Variants in DEK observed in about 807,000 individuals in gnomAD.
DEK encodes the protein protein DEK.
A neutral mutation model predicts 46.8 loss-of-function variants in DEK; 28 were observed. The observed-to-expected ratio is 0.60, with a 90% CI of 0.44 to 0.82. The LOEUF (loss-of-function observed/expected upper bound fraction) is 0.82. DEK is among the 40% of genes least tolerant of loss of function. The probability of loss-of-function intolerance (pLI) is 0.00; values close to 1 mark genes in which losing one functional copy is unlikely to be tolerated. For synonymous variants in DEK, 160 were observed against 144.5 expected (o/e 1.11, Z -0.77); for missense variants, 416 against 430.6 (o/e 0.97, Z 0.30).
chr6:18,252,271 AG>A (rs1394878050), intron 6 of DEK, among the ~76,000 whole-genome samples: 2 of 152,280 alleles, frequency 1.3e-5, no homozygotes, highest in African/African-American at 2.4e-5. Context: ...ACACTTTGGG[AG>A]GCCAAGGTGA....
At chr6:18,261,713 T>A (rs1376150649) in intron 2 of DEK, among the ~76,000 whole-genome samples, 1 of 152,242 alleles carries the variant, frequency 6.6e-6, no homozygotes, top group Non-Finnish European at 1.5e-5. Context: ...ACCATCACTG[T>A]ATCTTGGGAG....
intron 6 of DEK, among the ~76,000 whole-genome samples, chr6:18,252,528 A>G (rs1480803141): frequency 3.3e-5 from 5 of 150,606 alleles, no homozygotes; most frequent in African/African-American, 1.2e-4. Context: ...AAAAAAAAAA[A>G]AAAAAAAGAA....
chr6:18,234,596 C>G (rs531480137), intron 9 of DEK, among the ~76,000 whole-genome samples: 31 of 152,280 alleles, frequency 2.0e-4, no homozygotes, highest in African/African-American at 7.2e-4. Flanking sequence ...ATTCAAGTGT[C>G]TCACACTGCT....
chr6:18,255,882 T>TTAA, intron 5 of DEK, 31 bp from the exon 6 acceptor site: 10 of 1,584,442 alleles, frequency 6.3e-6, no homozygotes, highest in Non-Finnish European at 8.5e-6. Context: ...AACCAAGGTG[T>TTAA]TAATATAGGA....
intron 7 of DEK, among the ~76,000 whole-genome samples, chr6:18,244,343 C>A (rs918503792): frequency 6.6e-6 from 1 of 152,008 alleles, no homozygotes; most frequent in Non-Finnish European, 1.5e-5. Flanking sequence ...TCAGATAGTA[C>A]AATGTACTAT....
intron 5 of DEK, 39 bp from the exon 6 acceptor site, chr6:18,255,890 G>A (rs1164457059): frequency 6.3e-7 from 1 of 1,577,220 alleles, no homozygotes; most frequent in Non-Finnish European, 8.5e-7. Flanking sequence ...TGTTAATATA[G>A]GAAAGCTTAC....
chr6:18,231,248 T>C (rs1790400499), intron 9 of DEK, among the ~76,000 whole-genome samples: 1 of 152,150 alleles, frequency 6.6e-6, no homozygotes, highest in Non-Finnish European at 1.5e-5. Flanking sequence ...TAGCACTAAA[T>C]GCCCACAGGA....
At chr6:18,248,777 T>TTGA (rs1791234090) in intron 7 of DEK, among the ~76,000 whole-genome samples, 1 of 152,142 alleles carries the variant, frequency 6.6e-6, no homozygotes, top group South Asian at 2.1e-4. Context: ...CCAGGGACAT[T>TTGA]TGACAATGTC....
chr6:18,236,741 C>T (rs1388455474), intron 8 of DEK, 141 bp from the exon 9 acceptor site: 16 of 524,478 alleles, frequency 3.1e-5, no homozygotes. Context: ...CTACAGTTAC[C>T]TATAAAACAT....
At chr6:18,246,104 C>A (rs1479477139) in intron 7 of DEK, among the ~76,000 whole-genome samples, 1 of 152,178 alleles carries the variant, frequency 6.6e-6, no homozygotes, top group Non-Finnish European at 1.5e-5. Flanking sequence ...TTATTAACAG[C>A]GTGAGAAAGG....
In DEK at chr6:18,249,709, T is replaced by C; in HGVS notation, c.704A>G (p.Asp235Gly). 3.1e-6 allele frequency: 5 copies of C among 1,609,678 alleles called. No individual in the cohort carries two copies. Among genetic ancestry groups the C allele is most frequent in the Non-Finnish European group, 4.2e-6 (5 of 1,178,830 alleles). ...ILSDESSSDE[D>G]EKKNKEESSD... ...AGACTCTTCCTTGTTTTTCTTTTCA[T>C]CTTCATCACTACTAGATTCATCTGA... The change falls in exon 7 of 11, where the codon GAT becomes GGT. Residue 235 changes from aspartate to glycine, a missense_variant. Asp to Gly is a moderately conservative substitution (Grantham distance 94, BLOSUM62 -1). Transcript: ENST00000652689.
intron 6 of DEK, among the ~76,000 whole-genome samples, chr6:18,253,136 G>A (rs1405198588): frequency 1.4e-5 from 2 of 146,914 alleles, no homozygotes; most frequent in Non-Finnish European, 3.0e-5. Context: ...GTCTCGCTCT[G>A]TCGCCCAGGC....
chr6:18,262,786 T>A (rs1791935584), intron 2 of DEK, among the ~76,000 whole-genome samples: 1 of 152,228 alleles, frequency 6.6e-6, no homozygotes, highest in Admixed American at 6.5e-5. Flanking sequence ...TAACATGTTG[T>A]TAAGCAATAG....
intron 7 of DEK, among the ~76,000 whole-genome samples, chr6:18,248,739 G>A (rs1791231580): frequency 6.6e-6 from 1 of 152,106 alleles, no homozygotes; most frequent in South Asian, 2.1e-4. Context: ...TTCTAATTCA[G>A]TGGAGATGAT....
At chr6:18,255,909 T>G in intron 5 of DEK, 58 bp from the exon 6 acceptor site, 1 of 1,543,422 alleles carries the variant, frequency 6.5e-7, no homozygotes, top group Non-Finnish European at 8.6e-7. Flanking sequence ...ACATATGTTC[T>G]CCACAATATA....
rs1021251992 is a variant in DEK, at chr6:18,249,687, C to T, written c.726G>A (p.Glu242=). The change falls in exon 7 of 11, where the codon GAG becomes GAA. Residue 242 remains glutamate (E), a synonymous_variant. Coordinates refer to ENST00000652689, the MANE Select transcript of DEK (RefSeq NM_003472.4). The part of the protein sequence containing the change: ...SDEDEKKNKE[E]SSDDEDKESE... ...TTTCTTTATCTTCATCATCTGAAGACTCTTCCTTGTTTTTCTTTTCATCTT... is the reference window on the plus strand; with the variant it reads ...TTTCTTTATCTTCATCATCTGAAGATTCTTCCTTGTTTTTCTTTTCATCTT... 1 of 1,600,104 alleles carries T rather than the reference C, an allele frequency of 6.2e-7. No individual in the cohort carries two copies. The highest frequency in any genetic ancestry group is 8.5e-7 in the Non-Finnish European group (1 of 1,176,086).
At chr6:18,226,066 C>G in intron 10 of DEK, 108 bp downstream of exon 10, 1 of 952,034 alleles carries the variant, frequency 1.1e-6, no homozygotes, top group Non-Finnish European at 1.5e-6. Flanking sequence ...ATGTGAGGAT[C>G]AAATGTGATA....
At chr6:18,225,762 A>C in intron 10 of DEK, 32 bp from the exon 11 acceptor site, 1 of 1,612,536 alleles carries the variant, frequency 6.2e-7, no homozygotes, top group South Asian at 1.1e-5. Context: ...ATTTTGCCAT[A>C]AATCATAAAC....
chr6:18,240,016 C>T (rs576993086), intron 7 of DEK, among the ~76,000 whole-genome samples: 1 of 152,218 alleles, frequency 6.6e-6, no homozygotes, highest in East Asian at 1.9e-4. Flanking sequence ...ACAATATCAT[C>T]AATAATTACT....
Sources: gnomAD v4.1 joint callset for allele counts (sites outside exome capture counted in the v4.1 genomes callset) on GRCh38, gnomAD v4.1.1 for gene constraint, MANE v1.5 for transcripts, NCBI Gene and HGNC (gene_info 2026-07-23, HGNC 2026-07-21) for gene names.